The following DEPDC4 variants were observed in gnomAD, a reference collection of about 807,000 sequenced individuals.
The protein encoded by DEPDC4 is DEP domain-containing protein 4.
DEPDC4 carries 52 observed loss-of-function variants against 52.0 expected under a neutral mutation model. The observed-to-expected ratio is 1.00, with a 90% CI of 0.80 to 1.26. The LOEUF (loss-of-function observed/expected upper bound fraction) is 1.26, where lower values mean the gene tolerates loss of function less well. Ranked by LOEUF, DEPDC4 falls within the 50% of genes most tolerant of loss-of-function variation. DEPDC4 has a pLI of 0.00. For synonymous variants in DEPDC4, 201 were observed against 196.8 expected, an observed-to-expected ratio of 1.02 and a Z score of -0.18; for missense variants, 530 against 546.9, an observed-to-expected ratio of 0.97 and a Z score of 0.31.
chr12:100,270,621 TTC>T (rs748208052), upstream of DEPDC4, among the ~76,000 whole-genome samples: 4,412 of 143,304 alleles, frequency 0.031, 72 homozygotes, highest in African/African-American at 0.055. Context: ...TCATGTTGCT[TTC>T]TTTTTTTTTT....
chr12:100,251,336 AAT>A (rs1374072716), intron 7 of DEPDC4, among the ~76,000 whole-genome samples: 2 of 152,188 alleles, frequency 1.3e-5, no homozygotes, highest in Admixed American at 6.5e-5. Flanking sequence ...CTGGTACTAA[AAT>A]ATAATAGTGA....
chr12:100,241,222 G>T lies in DEPDC4; in HGVS notation c.*670C>A, dbSNP rs1484187846. Among the ~76,000 whole-genome samples the T allele has an allele frequency of 6.6e-6, 1 of 151,944 alleles. No homozygotes were observed. The highest frequency in any genetic ancestry group is 1.5e-5 in the Non-Finnish European group (1 of 67,992). On this transcript the variant is annotated 3_prime_UTR_variant, in exon 10 of 10. Transcript: ENST00000550587. The stretch of plus-strand genomic sequence containing the variant: ...CTTGTGTATGAAAAGCTCCTTTCCT[G>T]TGGAAAAAAAAGGAAATTAACTGTA...
intron 8 of DEPDC4, among the ~76,000 whole-genome samples, chr12:100,245,087 G>T (rs959768327): frequency 2.0e-5 from 3 of 151,130 alleles, no homozygotes; most frequent in Non-Finnish European, 4.4e-5. Context: ...GGCCAGGCTG[G>T]TCTCAAACTC....
chr12:100,280,457 A>G, the DEPDC4 span, among the ~76,000 whole-genome samples: 22,595 of 152,142 alleles, frequency 0.15, 1,897 homozygotes, highest in Non-Finnish European at 0.18. Context: ...AAAACTGTCT[A>G]TGCCCATGTA....
At chr12:100,273,575 A>G in the DEPDC4 span, among the ~76,000 whole-genome samples, 1 of 152,202 alleles carries the variant, frequency 6.6e-6, no homozygotes, top group African/African-American at 2.4e-5. Flanking sequence ...TACGTACATC[A>G]GTGTTGACTC....
At chr12:100,267,357 G>T (rs1022572484), upstream of DEPDC4, 8 of 332,302 alleles carry the variant, frequency 2.4e-5, no homozygotes, top group East Asian at 1.6e-4. Context: ...GGGGCGGGGG[G>T]AAAGAGCCCC....
At position 100,262,254 on chromosome 12, in the gene DEPDC4, A is replaced by T; in HGVS notation, c.700+10T>A. The T allele has an allele frequency of 6.3e-7, 1 of 1,597,588 alleles. No homozygotes were observed. Among genetic ancestry groups the T allele is most frequent in the Non-Finnish European group, 8.5e-7 (1 of 1,175,360 alleles). ...TACCATGTTCTGAAAAAATAATGAA[A>T]ACAAATTACCTTCTTTTGAAAGCCG... On this transcript the variant is annotated intron_variant, in intron 3 of 9. Transcript: ENST00000550587.
At chr12:100,255,952 T>C (rs1030759001) in intron 4 of DEPDC4, 97 bp downstream of exon 4, 2 of 855,216 alleles carry the variant, frequency 2.3e-6, no homozygotes, top group Non-Finnish European at 3.6e-6. Context: ...TAGTATAAGC[T>C]TATAACATGA....
intron 2 of DEPDC4, among the ~76,000 whole-genome samples, chr12:100,262,742 C>T (rs1366589248): frequency 1.3e-5 from 2 of 152,136 alleles, no homozygotes; most frequent in African/African-American, 4.8e-5. Context: ...AAAGCATATC[C>T]ATTCCTTAGA....
intron 8 of DEPDC4, among the ~76,000 whole-genome samples, chr12:100,244,574 G>A (rs1018905737): frequency 1.3e-5 from 2 of 151,722 alleles, no homozygotes; most frequent in East Asian, 3.9e-4. Context: ...CTCCTGCAGC[G>A]ATCCTCCTGC....
At chr12:100,274,506 A>G in the DEPDC4 span, among the ~76,000 whole-genome samples, 1 of 152,204 alleles carries the variant, frequency 6.6e-6, no homozygotes. Context: ...TGTTATTAAC[A>G]TCTGTCCTGA....
chr12:100,258,623 T>C (rs753318939), intron 3 of DEPDC4, among the ~76,000 whole-genome samples: 2 of 152,164 alleles, frequency 1.3e-5, no homozygotes, highest in Non-Finnish European at 2.9e-5. Flanking sequence ...TTTTCCTTCC[T>C]TCATATCACA....
the DEPDC4 span, among the ~76,000 whole-genome samples, chr12:100,275,269 A>G: frequency 6.6e-6 from 1 of 151,726 alleles, no homozygotes; most frequent in Non-Finnish European, 1.5e-5. Context: ...TAGTGTGATC[A>G]CAGCTCACTG....
Position 100,252,449 on chromosome 12 carries a change from A to G in DEPDC4, c.1193T>C (p.Leu398Pro), listed in dbSNP as rs201852966. 1 of 1,603,652 alleles carries G rather than the reference A, an allele frequency of 6.2e-7. No individual in the cohort carries two copies. Among genetic ancestry groups the G allele is most frequent in the African/African-American group, 1.3e-5 (1 of 74,910 alleles). The change falls in exon 6 of 10, where the codon CTA becomes CCA. Residue 398 changes from leucine to proline, a missense_variant. Coordinates refer to ENST00000550587, the MANE Select transcript of DEPDC4 (RefSeq NM_001364818.2). Reference protein sequence around the residue: ...LLNIREELRRLLTFMAMASEP... With the variant: ...LLNIREELRRPLTFMAMASEP... Reference sequence around the variant, plus strand: ...TGATGCCATTGCCATAAAAGTAAGTAGCCGTCGTAATTCTTCTCTAATGTT... The same window carrying G: ...TGATGCCATTGCCATAAAAGTAAGTGGCCGTCGTAATTCTTCTCTAATGTT...
At chr12:100,235,913 G>A (rs1339832192), downstream of DEPDC4, among the ~76,000 whole-genome samples, 1 of 152,116 alleles carries the variant, frequency 6.6e-6, no homozygotes, top group Admixed American at 6.5e-5. Flanking sequence ...TCATAGCTTA[G>A]CTCCCACTTA....
chr12:100,281,636 A>G, the DEPDC4 span, among the ~76,000 whole-genome samples: 1 of 152,190 alleles, frequency 6.6e-6, no homozygotes, highest in Admixed American at 6.5e-5. Context: ...GATCGAGACC[A>G]TCCTGGCTAA....
At chr12:100,266,714 C>A (rs1202691570) in intron 1 of DEPDC4, among the ~76,000 whole-genome samples, 3 of 152,218 alleles carry the variant, frequency 2.0e-5, no homozygotes, top group Non-Finnish European at 2.9e-5. Flanking sequence ...CGCTTTCCTG[C>A]ACGCTCCAAG....
upstream of DEPDC4, among the ~76,000 whole-genome samples, chr12:100,269,199 C>T (rs2096284414): frequency 6.6e-6 from 1 of 152,262 alleles, no homozygotes; most frequent in African/African-American, 2.4e-5. Context: ...GTCCCCTTTC[C>T]AAACTCATCT....
chr12:100,235,561 T>A (rs1051746707), downstream of DEPDC4, among the ~76,000 whole-genome samples: 3 of 150,894 alleles, frequency 2.0e-5, no homozygotes, highest in Admixed American at 2.0e-4. Flanking sequence ...GTCCCCAAAC[T>A]CCACTGTATC....
Sources: allele counts gnomAD v4.1 joint callset (sites outside exome capture counted in the v4.1 genomes callset), GRCh38; gene constraint gnomAD v4.1.1; transcripts MANE v1.5; gene names NCBI Gene and HGNC (gene_info 2026-07-23, HGNC 2026-07-21).